The following ADGB variants were observed in gnomAD, a reference collection of about 807,000 sequenced individuals.
The protein encoded by ADGB is calpain-7-like protein.
In ADGB, 172 loss-of-function variants were observed where a neutral mutation model predicts 210.5. The ratio of observed to expected loss-of-function variants is 0.82; its 90% CI spans 0.72 to 0.93. The LOEUF is 0.93. ADGB is among the 40% of genes least tolerant of loss of function. The pLI, the probability that ADGB is intolerant of heterozygous loss-of-function variation, is 0.00. For missense variants in ADGB, 2,025 were observed against 1,964.8 expected (o/e 1.03, Z -0.58); for synonymous variants, 658 against 662.7 (o/e 0.99, Z 0.11).
chr6:146,682,491 G>A (rs1051247130), intron 9 of ADGB, among the ~76,000 whole-genome samples: 1 of 151,996 alleles, frequency 6.6e-6, no homozygotes, highest in Non-Finnish European at 1.5e-5. Context: ...TCATTCAAGA[G>A]TATATTTTTT....
At chr6:146,634,847 A>T (rs1273690543) in intron 1 of ADGB, among the ~76,000 whole-genome samples, 1 of 152,058 alleles carries the variant, frequency 6.6e-6, no homozygotes, top group East Asian at 1.9e-4. Context: ...ATAGAAGCTT[A>T]GTTAAATGAA....
chr6:146,738,754 G>C (rs1004924031), intron 23 of ADGB, among the ~76,000 whole-genome samples: 4 of 151,916 alleles, frequency 2.6e-5, no homozygotes, highest in African/African-American at 7.3e-5. Flanking sequence ...CACTGCGCCC[G>C]GCCGAATCCC....
intron 22 of ADGB, among the ~76,000 whole-genome samples, 198 bp from the exon 23 acceptor site, chr6:146,736,285 GAAGGGAAACAGCATA>G (rs1337006348): frequency 6.6e-6 from 1 of 152,150 alleles, no homozygotes; most frequent in Admixed American, 6.5e-5. Flanking sequence ...AATTAAAGAT[GAAGGGAAACAGCATA>G]ACACGGTGAG....
chr6:146,795,129 T>C (rs1301209906), intron 33 of ADGB, among the ~76,000 whole-genome samples: 1 of 152,168 alleles, frequency 6.6e-6, no homozygotes, highest in Non-Finnish European at 1.5e-5. Flanking sequence ...AATAAGACTC[T>C]AGAAGCAAAT....
chr6:146,803,414 T>C lies in ADGB; in HGVS notation c.4818+1403T>C, dbSNP rs537187892. ...CACAAGCCAGTTCATTTTCTTTATT[T>C]GCCATGTCACAGCCCCCACCTTCCA... On this transcript the variant is annotated intron_variant, in intron 35 of 35. Coordinates refer to ENST00000397944, the MANE Select transcript of ADGB (RefSeq NM_024694.4). 1.9e-5 allele frequency: 30 copies of C among 1,608,600 alleles called. No homozygotes were observed. The African/African-American group carries it at 3.2e-4, about 17-fold the overall frequency.
intron 1 of ADGB, among the ~76,000 whole-genome samples, chr6:146,627,042 T>C (rs1780983182): frequency 6.6e-6 from 1 of 152,092 alleles, no homozygotes; most frequent in South Asian, 2.1e-4. Flanking sequence ...TTTTCTTTCC[T>C]CTCATTTTAG....
intron 27 of ADGB, 64 bp from the exon 28 acceptor site, chr6:146,763,837 T>C: frequency 1.5e-6 from 2 of 1,336,306 alleles, no homozygotes; most frequent in Non-Finnish European, 2.0e-6. Context: ...ATGTAACTGA[T>C]TTAGTCAGTA....
intron 3 of ADGB, among the ~76,000 whole-genome samples, chr6:146,651,878 AT>A (rs1287458179): frequency 6.6e-6 from 1 of 152,156 alleles, no homozygotes; most frequent in East Asian, 1.9e-4. Context: ...TTCAAAATGC[AT>A]TTTGAAGCTA....
intron 1 of ADGB, among the ~76,000 whole-genome samples, chr6:146,601,004 T>C: frequency 6.6e-6 from 1 of 151,126 alleles, no homozygotes; most frequent in East Asian, 2.0e-4. Flanking sequence ...TAATGCACAT[T>C]GAAGGCTCAC....
chr6:146,726,610 TA>T (rs1776899492), intron 19 of ADGB, among the ~76,000 whole-genome samples: 1 of 152,222 alleles, frequency 6.6e-6, no homozygotes, highest in African/African-American at 2.4e-5. Flanking sequence ...TTTTACCTTT[TA>T]AAACTATTAA....
intron 33 of ADGB, among the ~76,000 whole-genome samples, chr6:146,798,881 A>G (rs148833076): frequency 9.2e-4 from 140 of 152,148 alleles, no homozygotes; most frequent in African/African-American, 3.2e-3. Context: ...AAACATCACC[A>G]AAGGAAATTT....
intron 33 of ADGB, among the ~76,000 whole-genome samples, chr6:146,795,298 T>C (rs1223573039): frequency 6.6e-6 from 1 of 152,050 alleles, no homozygotes. Flanking sequence ...AAGCAAAAAT[T>C]AACAAGTAGA....
chr6:146,707,012 T>C (rs144731726), intron 13 of ADGB, among the ~76,000 whole-genome samples: 156 of 152,192 alleles, frequency 1.0e-3, no homozygotes, highest in African/African-American at 3.6e-3. Context: ...TCTTAGAGCT[T>C]CATTTACTGC....
intron 20 of ADGB, among the ~76,000 whole-genome samples, chr6:146,729,315 T>C (rs187704807): frequency 2.0e-5 from 3 of 152,378 alleles, no homozygotes; most frequent in East Asian, 3.9e-4. Flanking sequence ...AAATAATTAT[T>C]ATTCTCTCTT....
At chr6:146,802,563 T>G (rs259390) in intron 35 of ADGB, 27,341 of 461,984 alleles carry the variant, frequency 0.059, 986 homozygotes, top group Non-Finnish European at 0.074. Context: ...ACAATCTACA[T>G]AGTGCACTTT....
At chr6:146,613,279 A>C (rs1780739394) in intron 1 of ADGB, among the ~76,000 whole-genome samples, 1 of 152,250 alleles carries the variant, frequency 6.6e-6, no homozygotes, top group Non-Finnish European at 1.5e-5. Context: ...TAACTATTTT[A>C]ATTTAAAAAA....
Position 146,788,601 on chromosome 6 carries a change from GAAAACATTCGTAAGTATTGC to G in ADGB, c.4529_4537+11del. The stretch of plus-strand genomic sequence containing the variant: ...AGAGCGCGAGCAGAGCACACGGAAG[GAAAACATTCGTAAGTATTGC>G]TGTCATTGGTAACATAAACATGTAT... On this transcript the variant is annotated splice_donor_variant and splice_donor_5th_base_variant and coding_sequence_variant and intron_variant, in exon 33 of 36. Transcript: ENST00000397944. LOFTEE classifies it high-confidence loss of function. The G allele has an allele frequency of 6.4e-7, 1 of 1,551,348 alleles. No individual in the cohort carries two copies. The highest frequency in any genetic ancestry group is 8.7e-7 in the Non-Finnish European group (1 of 1,146,732).
intron 2 of ADGB, among the ~76,000 whole-genome samples, chr6:146,641,638 A>T (rs1775516810): frequency 6.6e-6 from 1 of 151,982 alleles, no homozygotes. Flanking sequence ...AAAGCTGACA[A>T]AAACAAGCAA....
chr6:146,624,361 G>T (rs1780942134), intron 1 of ADGB, among the ~76,000 whole-genome samples: 1 of 151,730 alleles, frequency 6.6e-6, no homozygotes, highest in African/African-American at 2.4e-5. Context: ...CAAATATTTG[G>T]ATAAAGAATG....
Sources: gnomAD v4.1 joint callset for allele counts (sites outside exome capture counted in the v4.1 genomes callset) on GRCh38, gnomAD v4.1.1 for gene constraint, MANE v1.5 for transcripts, NCBI Gene and HGNC (gene_info 2026-07-23, HGNC 2026-07-21) for gene names.